The following SRRM2 variants were observed in gnomAD, a reference collection of about 807,000 sequenced individuals.
The protein encoded by SRRM2 is serine/arginine repetitive matrix protein 2.
Under a neutral mutation model 213.8 loss-of-function variants are expected in SRRM2, and 30 were observed. The ratio of observed to expected loss-of-function variants is 0.14; its 90% CI spans 0.10 to 0.19. SRRM2 has a LOEUF of 0.19. SRRM2 is among the 10% of genes least tolerant of loss of function. The probability of loss-of-function intolerance (pLI) is 1.00; values close to 1 mark genes in which losing one functional copy is unlikely to be tolerated. For synonymous variants in SRRM2, 2,025 were observed against 1,377.7 expected (o/e 1.47, Z -10.40); for missense variants, 4,904 against 3,647.0 (o/e 1.34, Z -8.88).
At chr16:2,768,842 A>C in intron 11 of SRRM2, 155 bp from the exon 12 acceptor site, 2 of 1,477,900 alleles carry the variant, frequency 1.4e-6, no homozygotes, top group Non-Finnish European at 1.8e-6. Flanking sequence ...AGCTCGCACC[A>C]CTGCTCTCCA....
chr16:2,769,865 C>A, intron 12 of SRRM2: 1 of 466,140 alleles, frequency 2.1e-6, no homozygotes, highest in South Asian at 1.5e-5. Flanking sequence ...GCTCCAGCCA[C>A]ACCCAGCGCC....
rs994905788 is a variant in SRRM2, at chr16:2,752,677, C to A, written c.-201C>A. The stretch of plus-strand genomic sequence containing the variant: ...CGCGGCCCAGGCGGGGTGCGAGTGG[C>A]GCAGTTGGAGCCCGTTGCGGCCCCT... On this transcript the variant is annotated 5_prime_UTR_variant, in exon 1 of 15. Coordinates refer to ENST00000301740, the MANE Select transcript of SRRM2 (RefSeq NM_016333.4). 1.4e-5 allele frequency: 4 copies of A among 290,210 alleles called. No homozygotes were observed. The highest frequency in any genetic ancestry group is 2.7e-5 in the Non-Finnish European group (4 of 146,826). 18.0% of individuals were successfully genotyped at this position (290,210 alleles called of 1,614,324 possible).
chr16:2,765,091 A>G lies in SRRM2; in HGVS notation c.4563A>G (p.Ser1521=), dbSNP rs751487372. The G allele has an allele frequency of 6.2e-7, 1 of 1,614,212 alleles. No individual in the cohort carries two copies. ...AGAGAGAAAGAAGCGGGTCAGAATCATCAGTTGATCAGAAAACTGTGGCTC... is the reference window on the plus strand; with the variant it reads ...AGAGAGAAAGAAGCGGGTCAGAATCGTCAGTTGATCAGAAAACTGTGGCTC... ...TPQRERSGSE[S]SVDQKTVART... The change falls in exon 11 of 15, where the codon TCA becomes TCG. Residue 1521 remains serine, a synonymous_variant. Coordinates refer to ENST00000301740, the MANE Select transcript of SRRM2 (RefSeq NM_016333.4).
Position 2,764,485 on chromosome 16 carries a change from C to T in SRRM2, c.3957C>T (p.Asn1319=), listed in dbSNP as rs780409714. 1.9e-6 allele frequency: 3 copies of T among 1,614,172 alleles called. No individual in the cohort carries two copies. The highest frequency in any genetic ancestry group is 1.6e-4 in the Middle Eastern group (1 of 6,062). ...CTCCAGAACATAAAGAACTGTCTAACTCCCCACTCAGGGAGAACAGCTTTG... is the reference window on the plus strand; with the variant it reads ...CTCCAGAACATAAAGAACTGTCTAATTCCCCACTCAGGGAGAACAGCTTTG... ...HFSPEHKELS[N]SPLRENSFGS... is the part of the protein sequence containing the mutation. Residue 1319 remains asparagine (N), a synonymous_variant, in exon 11 of 15, where the codon AAC becomes AAT. Coordinates refer to ENST00000301740, the MANE Select transcript of SRRM2 (RefSeq NM_016333.4).
chr16:2,762,397 C>T lies in SRRM2; in HGVS notation c.1869C>T (p.Arg623=). Residue 623 remains arginine (R), a synonymous_variant, in exon 11 of 15, where the codon CGC becomes CGT. Transcript: ENST00000301740. ...CTCGGTCTAGAACACCTGCTAGGCG[C>T]AGATCTAGGACCCGATCACCAGTAC... ...GRSRSRTPAR[R]RSRTRSPVRR... 2 of 1,614,092 alleles carry T rather than the reference C, an allele frequency of 1.2e-6. No individual in the cohort carries two copies. The highest frequency in any genetic ancestry group is 1.7e-6 in the Non-Finnish European group (2 of 1,180,004).
At position 2,761,840 on chromosome 16, in the gene SRRM2, C is replaced by G. The variant is rs2068362296; in HGVS notation, c.1312C>G (p.Pro438Ala). ...TKVSRHASSS[P>A]ESPKPAPAPG... is the part of the protein sequence containing the mutation. ...AGTTTCTCGGCATGCCAGCTCTTCC[C>G]CAGAAAGTCCTAAACCTGCTCCAGC... is the stretch of plus-strand genomic sequence containing the variant. The change falls in exon 11 of 15, where the codon CCA becomes GCA. Residue 438 changes from proline to alanine, a missense_variant. Transcript: ENST00000301740. The G allele has an allele frequency of 2.5e-6, 4 of 1,613,516 alleles. No individual in the cohort carries two copies. The East Asian group carries it at 6.7e-5, about 27-fold the overall frequency.
At chr16:2,760,892 G>T in intron 10 of SRRM2, 1 of 188,708 alleles carries the variant, frequency 5.3e-6, no homozygotes, top group Non-Finnish European at 1.1e-5. Flanking sequence ...ATGAAACACT[G>T]AAATAGTCTT....
At chr16:2,757,284 A>G (rs144985984) in intron 2 of SRRM2, among the ~76,000 whole-genome samples, 188 bp from the exon 3 acceptor site, 3 of 152,174 alleles carry the variant, frequency 2.0e-5, no homozygotes, top group African/African-American at 4.8e-5. Context: ...CCACTGTTCT[A>G]GAGGGAGTAG....
Position 2,766,621 on chromosome 16 carries a change from A to T in SRRM2, c.6093A>T (p.Arg2031Ser). 9 of 1,612,884 alleles carry T rather than the reference A, an allele frequency of 5.6e-6. No individual in the cohort carries two copies. The highest frequency in any genetic ancestry group is 6.8e-6 in the Non-Finnish European group (8 of 1,179,656). Residue 2031 changes from arginine (R) to serine (S), a missense_variant, in exon 11 of 15, where the codon AGA (arginine) becomes AGT (serine). Transcript: ENST00000301740. This position sits in a 1 kb window ranked among gnomAD's most constrained non-coding sequence, Gnocchi z 7.0. ...RTPPAIRRRS[R>S]SRTPLLPRKR... ...CTCCAGCTATTCGGCGCCGCTCTAG[A>T]TCTCGAACGCCACTGTTACCACGCA...
Position 2,765,632 on chromosome 16 carries a change from A to G in SRRM2, c.5104A>G (p.Arg1702Gly). The change falls in exon 11 of 15, where the codon AGA (arginine) becomes GGA (glycine). Residue 1702 changes from arginine (R) to glycine (G), a missense_variant. Transcript: ENST00000301740. Reference protein sequence around the residue: ...RSSPELTRKARLSRRSRSASS... With the variant: ...RSSPELTRKAGLSRRSRSASS... Reference sequence around the variant, plus strand: ...ATCTCCGGAGCTAACAAGGAAGGCCAGACTGTCCCGTAGAAGCCGCTCTGC... The same window carrying G: ...ATCTCCGGAGCTAACAAGGAAGGCCGGACTGTCCCGTAGAAGCCGCTCTGC... The G allele has an allele frequency of 6.2e-7, 1 of 1,614,180 alleles. No homozygotes were observed. The highest frequency in any genetic ancestry group is 8.5e-7 in the Non-Finnish European group (1 of 1,180,018).
Position 2,767,564 on chromosome 16 carries a change from G to A in SRRM2, c.7036G>A (p.Ala2346Thr), listed in dbSNP as rs1321390162. The A allele has an allele frequency of 1.2e-5, 19 of 1,614,172 alleles. No homozygotes were observed. The highest frequency in any genetic ancestry group is 1.5e-5 in the Non-Finnish European group (18 of 1,180,028). Residue 2346 changes from alanine to threonine, a missense_variant, in exon 11 of 15, where the codon GCC becomes ACC. By Grantham distance (58) the Ala-to-Thr change is moderately conservative (BLOSUM62 0). Transcript: ENST00000301740. ...CCTGGTGGGTCCTCGGTCTGCACAT[G>A]CCACAGCTCCTGTGAATATTGCCGG... ...ANLVGPRSAHATAPVNIAGSR... is the reference protein window; with the variant it reads ...ANLVGPRSAHTTAPVNIAGSR...
intron 4 of SRRM2, 87 bp from the exon 5 acceptor site, chr16:2,758,383 T>C (rs565922308): frequency 1.2e-5 from 14 of 1,194,586 alleles, no homozygotes. Flanking sequence ...TTATTTTTAT[T>C]ACTATTTTTT....
chr16:2,770,837 G>A (rs1278137464), intron 14 of SRRM2, 21 bp from the exon 15 acceptor site: 2 of 1,613,936 alleles, frequency 1.2e-6, no homozygotes, highest in African/African-American at 2.7e-5. Flanking sequence ...ACTCCCTGTT[G>A]ACCCATATCT....
chr16:2,756,950 TAGAA>T (rs2068163510), intron 2 of SRRM2, among the ~76,000 whole-genome samples: 1 of 151,824 alleles, frequency 6.6e-6, no homozygotes, highest in Non-Finnish European at 1.5e-5. Flanking sequence ...TTGTCATTGG[TAGAA>T]AAGAAGAAGA....
rs767208660 is a variant in SRRM2 at position 2,766,973 on chromosome 16, C to T, written c.6445C>T (p.Leu2149=). 5.0e-6 allele frequency: 8 copies of T among 1,614,054 alleles called. No homozygotes were observed. The highest frequency in any genetic ancestry group is 2.7e-5 in the African/African-American group (2 of 74,920). Residue 2149 remains leucine, a synonymous_variant, in exon 11 of 15, where the codon CTG becomes TTG. Transcript: ENST00000301740. The surrounding 1 kb of genome is among the most constrained non-coding windows in gnomAD (Gnocchi z 7.0). Reference sequence around the variant, plus strand: ...CAGCTCTAGAACACCCATGTCTGTCCTGCAGCAAGCCGGCGGCTCCATGAT... The same window carrying T: ...CAGCTCTAGAACACCCATGTCTGTCTTGCAGCAAGCCGGCGGCTCCATGAT... ...LGSSRTPMSV[L]QQAGGSMMDG...
intron 6 of SRRM2, 31 bp from the exon 7 acceptor site, chr16:2,759,106 TTTC>T (rs2068247645): frequency 2.5e-6 from 4 of 1,614,126 alleles, no homozygotes; most frequent in Non-Finnish European, 3.4e-6. Flanking sequence ...GGCAGAGGTG[TTTC>T]TTATGTTTTT....
intron 3 of SRRM2, 87 bp from the exon 4 acceptor site, chr16:2,757,694 C>A: frequency 6.3e-7 from 1 of 1,583,422 alleles, no homozygotes; most frequent in Non-Finnish European, 8.6e-7. Context: ...CTTTCCCATG[C>A]CTTATTTGGC....
chr16:2,764,034 C>T lies in SRRM2; in HGVS notation c.3506C>T (p.Ala1169Val), dbSNP rs1251447500. 2.1e-5 allele frequency: 34 copies of T among 1,614,038 alleles called. No individual in the cohort carries two copies. The highest frequency in any genetic ancestry group is 2.8e-5 in the Non-Finnish European group (33 of 1,180,040). The change falls in exon 11 of 15, where the codon GCC (alanine) becomes GTC (valine). Residue 1169 changes from alanine (A) to valine (V), a missense_variant. Coordinates refer to ENST00000301740, the MANE Select transcript of SRRM2 (RefSeq NM_016333.4). ...LETAESKEKM[A>V]LPPQEDATAS... is the part of the protein sequence containing the mutation. ...ACTGCTGAATCAAAAGAGAAAATGG[C>T]CTTACCCCCTCAGGAGGATGCTACT...
Position 2,756,537 on chromosome 16 carries a change from T to C in SRRM2, c.173T>C (p.Leu58Pro). The C allele has an allele frequency of 6.2e-7, 1 of 1,614,116 alleles. No individual in the cohort carries two copies. The highest frequency in any genetic ancestry group is 8.5e-7 in the Non-Finnish European group (1 of 1,180,000). Residue 58 changes from leucine (L) to proline (P), a missense_variant, in exon 2 of 15, where the codon CTG becomes CCG. By Grantham distance (98) the Leu-to-Pro change is moderately conservative (BLOSUM62 -3). Coordinates refer to ENST00000301740, the MANE Select transcript of SRRM2 (RefSeq NM_016333.4). ...ALVKRPNPDI[L>P]DHERKRRVEL... ...GTGAAGCGGCCTAATCCTGACATCC[T>C]GGACCACGAGCGCAAGCGGCGCGTC...
Sources: gnomAD v4.1 joint callset for allele counts (sites outside exome capture counted in the v4.1 genomes callset) on GRCh38, gnomAD v4.1.1 for gene constraint, Gnocchi (gnomAD v3.1) non-coding constraint, MANE v1.5 for transcripts, NCBI Gene and HGNC (gene_info 2026-07-23, HGNC 2026-07-21) for gene names.